The following UBE2H variants were observed in gnomAD, a reference collection of about 807,000 sequenced individuals.
UBE2H encodes the protein ubiquitin-conjugating enzyme E2 H.
In UBE2H, 3 loss-of-function variants were observed where a neutral mutation model predicts 29.0. That is an observed-to-expected ratio of 0.10 (90% confidence interval 0.05 to 0.27). The LOEUF is 0.27. Ranked by LOEUF, UBE2H falls within the 10% of genes least tolerant of loss-of-function variation. The pLI is 1.00. For synonymous variants in UBE2H, 69 were observed against 82.9 expected (o/e 0.83, Z 0.91); for missense variants, 68 against 228.2 (o/e 0.30, Z 4.52).
At chr7:129,949,015 G>A in intron 1 of UBE2H, 1 of 456,746 alleles carries the variant, frequency 2.2e-6, no homozygotes, top group Non-Finnish European at 4.4e-6. Context: ...TAACAGGGCG[G>A]CCAATGAGCG....
intron 6 of UBE2H, 40 bp downstream of exon 6, chr7:129,839,166 TA>T: frequency 1.3e-6 from 2 of 1,596,380 alleles, no homozygotes; most frequent in Non-Finnish European, 1.7e-6. Context: ...CCAACAGATT[TA>T]AGTTCTTTTG....
At chr7:129,887,016 G>A (rs894898499) in intron 1 of UBE2H, among the ~76,000 whole-genome samples, 10 of 152,040 alleles carry the variant, frequency 6.6e-5, no homozygotes, top group Admixed American at 3.9e-4. Flanking sequence ...GTTAATGATC[G>A]AGTCCCAGCG....
At chr7:129,944,393 C>T (rs1158686509) in intron 1 of UBE2H, among the ~76,000 whole-genome samples, 1 of 152,044 alleles carries the variant, frequency 6.6e-6, no homozygotes, top group African/African-American at 2.4e-5. Flanking sequence ...ACAAGTGAAA[C>T]AACCGTTGTC....
Position 129,891,135 on chromosome 7 carries a change from A to C in UBE2H, c.54-10164T>G, listed in dbSNP as rs549015252. ...TGGGTGACAGAGCAAGACTCTCTCA[A>C]AAAAAAAAATAGTCAACTTATAAAT... is the stretch of plus-strand genomic sequence containing the variant. On this transcript the variant is annotated intron_variant, in intron 1 of 6. Transcript: ENST00000355621. 6.0e-4 allele frequency among the ~76,000 whole-genome samples: 90 copies of C among 150,212 alleles called. No homozygotes were observed. In the Middle Eastern group the frequency reaches 0.014, roughly 23 times the overall value.
chr7:129,943,029 G>C (rs962134672), intron 1 of UBE2H, among the ~76,000 whole-genome samples: 3 of 152,100 alleles, frequency 2.0e-5, no homozygotes, highest in African/African-American at 7.2e-5. Context: ...TTTTAGTAGA[G>C]ATGGGGTTTC....
chr7:129,906,196 C>A (rs1806811943), intron 1 of UBE2H, among the ~76,000 whole-genome samples: 1 of 150,222 alleles, frequency 6.7e-6, no homozygotes, highest in African/African-American at 2.5e-5. Context: ...CCGAGTAAAG[C>A]CATTTTTTTT....
At chr7:129,928,763 C>A (rs184469605) in intron 1 of UBE2H, among the ~76,000 whole-genome samples, 4 of 151,536 alleles carry the variant, frequency 2.6e-5, no homozygotes, top group African/African-American at 7.3e-5. Flanking sequence ...TCACTGTATG[C>A]CATAAATATG....
chr7:129,842,822 G>A (rs1259213385), intron 5 of UBE2H, among the ~76,000 whole-genome samples: 1 of 151,906 alleles, frequency 6.6e-6, no homozygotes, highest in Non-Finnish European at 1.5e-5. Context: ...AGAATTGCTT[G>A]AACCCAGGAG....
intron 3 of UBE2H, among the ~76,000 whole-genome samples, chr7:129,867,723 C>CAAAAAAAAAAAAAAAAAAAAAAAAAA (rs1563027569): frequency 9.2e-5 from 6 of 65,564 alleles, no homozygotes; most frequent in Non-Finnish European, 1.6e-4. Context: ...AAAAAGAAAA[C>CAAAAAAAAAAAAAAAAAAAAAAAAAA]CAAAAAAAAA....
In UBE2H at chr7:129,882,959, T is replaced by C. The variant is rs6960765; in HGVS notation, c.54-1988A>G. Among the ~76,000 whole-genome samples the C allele has an allele frequency of 9.3e-3, 1,421 of 152,188 alleles. 24 individuals are homozygous for C. The highest frequency in any genetic ancestry group is 0.032 in the African/African-American group (1,341 of 41,528). On this transcript the variant is annotated intron_variant, in intron 1 of 6. Coordinates refer to ENST00000355621, the MANE Select transcript of UBE2H (RefSeq NM_003344.4). ...AAACTAGGAAGACAAAAATGTGGAT[T>C]TTAAAAATAAGTTATTACAAAGCAG...
At chr7:129,886,053 T>G (rs1313341621) in intron 1 of UBE2H, among the ~76,000 whole-genome samples, 2 of 152,230 alleles carry the variant, frequency 1.3e-5, no homozygotes, top group African/African-American at 4.8e-5. Flanking sequence ...TGGGACTCAC[T>G]AGAAGATTCC....
At chr7:129,916,022 G>T (rs1165819243) in intron 1 of UBE2H, among the ~76,000 whole-genome samples, 1 of 152,108 alleles carries the variant, frequency 6.6e-6, no homozygotes, top group Non-Finnish European at 1.5e-5. Flanking sequence ...TAAAAAGCCA[G>T]AAAAAATCCA....
At chr7:129,910,205 T>A (rs987445649) in intron 1 of UBE2H, among the ~76,000 whole-genome samples, 15 of 152,016 alleles carry the variant, frequency 9.9e-5, no homozygotes, top group African/African-American at 3.1e-4. Context: ...GGCAGGCACC[T>A]GTAATCCCAG....
chr7:129,836,765 A>G (rs1318352680), intron 6 of UBE2H, among the ~76,000 whole-genome samples: 2 of 151,776 alleles, frequency 1.3e-5, no homozygotes, highest in Admixed American at 1.3e-4. Context: ...CTGTAATCCC[A>G]GCTACTCGGG....
chr7:129,867,370 T>G lies in UBE2H; in HGVS notation c.206-8429A>C, dbSNP rs531112624. ...TACACCATGGAATACTATGCAGCCA[T>G]AAAAAATGATGAGTTCATATCCTTT... is the stretch of plus-strand genomic sequence containing the variant. On this transcript the variant is annotated intron_variant, in intron 3 of 6. Transcript: ENST00000355621. Among the ~76,000 whole-genome samples, 5 of 144,042 alleles carry G rather than the reference T, an allele frequency of 3.5e-5. No individual in the cohort carries two copies. In the South Asian group the frequency reaches 1.2e-3, roughly 33 times the overall value. The allele number at this position is 144,042 out of a possible 152,430, so 94.5% of individuals were successfully genotyped here.
At chr7:129,941,313 T>C (rs1024842520) in intron 1 of UBE2H, among the ~76,000 whole-genome samples, 1 of 152,000 alleles carries the variant, frequency 6.6e-6, no homozygotes, top group Admixed American at 6.6e-5. Context: ...TGTATTTTAG[T>C]AGAGACAGGG....
intron 1 of UBE2H, among the ~76,000 whole-genome samples, chr7:129,943,868 G>A (rs941880592): frequency 2.6e-5 from 4 of 152,074 alleles, no homozygotes; most frequent in East Asian, 1.9e-4. Flanking sequence ...GCGACAGAGC[G>A]AGACTGATTC....
chr7:129,865,367 T>C (rs1258699288), intron 3 of UBE2H, among the ~76,000 whole-genome samples: 2 of 152,116 alleles, frequency 1.3e-5, no homozygotes, highest in Non-Finnish European at 2.9e-5. Context: ...GGTCAATATG[T>C]AAATAAATGA....
intron 5 of UBE2H, among the ~76,000 whole-genome samples, chr7:129,850,440 T>G (rs1805588216): frequency 1.3e-5 from 2 of 152,182 alleles, no homozygotes; most frequent in African/African-American, 4.8e-5. Context: ...TACATTTAAA[T>G]CTCAGTAGTA....
Sources: gnomAD v4.1 joint callset for allele counts (sites outside exome capture counted in the v4.1 genomes callset) on GRCh38, gnomAD v4.1.1 for gene constraint, MANE v1.5 for transcripts, NCBI Gene and HGNC (gene_info 2026-07-23, HGNC 2026-07-21) for gene names.